The following FARS2 variants were observed in gnomAD, a reference collection of about 807,000 sequenced individuals.
FARS2 encodes the protein phenylalanyl-tRNA synthetase 2, mitochondrial.
Under a neutral mutation model 46.4 loss-of-function variants are expected in FARS2, and 40 were observed. The ratio of observed to expected loss-of-function variants is 0.86; its 90% CI spans 0.67 to 1.12. FARS2 has a LOEUF of 1.12. Among genes scored for constraint, FARS2 ranks in the 50% most tolerant of loss-of-function variants. FARS2 has a pLI of 0.00. For missense variants in FARS2, 513 were observed against 567.9 expected (o/e 0.90, Z 0.98); for synonymous variants, 234 against 214.9 (o/e 1.09, Z -0.78).
At chr6:5,467,245 A>G (rs2150313058) in intron 4 of FARS2, 1 of 255,464 alleles carries the variant, frequency 3.9e-6, no homozygotes, top group East Asian at 1.8e-4. Context: ...GTGGTTACCC[A>G]TTCTTAACCA....
At chr6:5,525,833 G>A (rs1769429389) in intron 4 of FARS2, among the ~76,000 whole-genome samples, 1 of 152,214 alleles carries the variant, frequency 6.6e-6, no homozygotes, top group South Asian at 2.1e-4. Context: ...AATATTAAAA[G>A]ATGCCTTTTC....
intron 1 of FARS2, among the ~76,000 whole-genome samples, chr6:5,336,603 G>A (rs1451301897): frequency 6.6e-6 from 1 of 152,096 alleles, no homozygotes; most frequent in Non-Finnish European, 1.5e-5. Context: ...AGCACAGCAT[G>A]GAGAATGGGG....
intron 4 of FARS2, among the ~76,000 whole-genome samples, chr6:5,432,325 A>ATATATAT (rs1294858821): frequency 6.3e-5 from 3 of 47,320 alleles, no homozygotes; most frequent in East Asian, 7.7e-4. Flanking sequence ...AAAAAAAAAA[A>ATATATAT]AAATATATAT....
intron 4 of FARS2, among the ~76,000 whole-genome samples, chr6:5,434,709 C>T (rs796666373): frequency 6.6e-6 from 1 of 152,068 alleles, no homozygotes; most frequent in Non-Finnish European, 1.5e-5. Context: ...CGTGCAGTTC[C>T]GCTATTCTTT....
chr6:5,384,182 C>T (rs377752314), intron 2 of FARS2, among the ~76,000 whole-genome samples: 2 of 152,120 alleles, frequency 1.3e-5, no homozygotes, highest in East Asian at 1.9e-4. Flanking sequence ...CTTGCTTTGA[C>T]GGATTGAAAT....
At chr6:5,725,850 G>A (rs1000301364) in intron 6 of FARS2, among the ~76,000 whole-genome samples, 7 of 152,192 alleles carry the variant, frequency 4.6e-5, no homozygotes, top group Admixed American at 2.6e-4. Context: ...CAGGAGAATC[G>A]CTTGAACCAG....
chr6:5,722,012 A>G (rs1314823374), intron 6 of FARS2, among the ~76,000 whole-genome samples: 3 of 152,252 alleles, frequency 2.0e-5, no homozygotes, highest in Non-Finnish European at 4.4e-5. Flanking sequence ...TAATAAAGGT[A>G]ATAATTTGTA....
chr6:5,698,928 C>T (rs986097159), intron 6 of FARS2, among the ~76,000 whole-genome samples: 6 of 152,168 alleles, frequency 3.9e-5, no homozygotes, highest in East Asian at 3.9e-4. Context: ...CTGCAGGGAA[C>T]CAAGCCACAC....
chr6:5,476,090 A>G (rs188539610), intron 4 of FARS2, among the ~76,000 whole-genome samples: 103 of 152,272 alleles, frequency 6.8e-4, no homozygotes, highest in Non-Finnish European at 2.5e-4. Flanking sequence ...ATGTCACTAA[A>G]GAGATGTTGC....
At chr6:5,570,177 G>C (rs1189677578) in intron 5 of FARS2, among the ~76,000 whole-genome samples, 1 of 152,148 alleles carries the variant, frequency 6.6e-6, no homozygotes, top group East Asian at 1.9e-4. Flanking sequence ...CTTGACCAAG[G>C]ACTGAAAAGT....
intron 4 of FARS2, among the ~76,000 whole-genome samples, chr6:5,525,289 T>G (rs930326618): frequency 1.6e-4 from 24 of 151,552 alleles, no homozygotes; most frequent in African/African-American, 5.8e-4. Context: ...ATGGTTAGAT[T>G]ATTATTCCAT....
At chr6:5,714,156 T>G (rs1464931478) in intron 6 of FARS2, among the ~76,000 whole-genome samples, 2 of 152,124 alleles carry the variant, frequency 1.3e-5, no homozygotes, top group Non-Finnish European at 2.9e-5. Flanking sequence ...ACTGATGAGG[T>G]TCAAAAAGAG....
chr6:5,323,861 A>G (rs1770157838), intron 1 of FARS2, among the ~76,000 whole-genome samples: 1 of 152,224 alleles, frequency 6.6e-6, no homozygotes, highest in Admixed American at 6.5e-5. Flanking sequence ...CAGCATGACC[A>G]TAAACCACAA....
At chr6:5,675,214 A>T (rs1295014533) in intron 6 of FARS2, among the ~76,000 whole-genome samples, 1 of 151,054 alleles carries the variant, frequency 6.6e-6, no homozygotes, top group Non-Finnish European at 1.5e-5. Flanking sequence ...ACACACACAC[A>T]CACACACACA....
chr6:5,750,270 G>A (rs1352730863), intron 6 of FARS2, among the ~76,000 whole-genome samples: 3 of 152,090 alleles, frequency 2.0e-5, no homozygotes, highest in African/African-American at 7.2e-5. Flanking sequence ...GGAAGGTCGG[G>A]GGTGGGGCAG....
Position 5,369,254 on chromosome 6 carries a change from C to T in FARS2, c.612+72C>T, listed in dbSNP as rs1027531044. 83 of 1,440,740 alleles carry T rather than the reference C, an allele frequency of 5.8e-5. 1 individual carries two copies. The highest frequency in any genetic ancestry group is 7.3e-5 in the Non-Finnish European group (77 of 1,059,564). 89.2% of individuals were successfully genotyped at this position (1,440,740 alleles called of 1,614,324 possible). Reference sequence around the variant, plus strand: ...TTATGTTGAGGTCACTAACATTTAGCTCGATGAGACCAGCATAGTCATCCT... The same window carrying T: ...TTATGTTGAGGTCACTAACATTTAGTTCGATGAGACCAGCATAGTCATCCT... On this transcript the variant is annotated intron_variant, in intron 2 of 6. Transcript: ENST00000274680.
At chr6:5,260,442 G>A (rs1416829861), upstream of FARS2, among the ~76,000 whole-genome samples, 2 of 152,234 alleles carry the variant, frequency 1.3e-5, no homozygotes, top group East Asian at 1.9e-4. Flanking sequence ...GTCTCCCCTG[G>A]TAGAAAGAAA....
chr6:5,758,869 G>C (rs1279937095), intron 6 of FARS2, among the ~76,000 whole-genome samples: 4 of 152,134 alleles, frequency 2.6e-5, no homozygotes, highest in African/African-American at 9.7e-5. Context: ...CTAGTATGTG[G>C]GGTCCTCTTG....
intron 4 of FARS2, among the ~76,000 whole-genome samples, chr6:5,536,866 A>G (rs1427397408): frequency 6.6e-6 from 1 of 152,230 alleles, no homozygotes; most frequent in East Asian, 1.9e-4. Flanking sequence ...CTTAAACACC[A>G]CTTGCCTTAC....
Sources: allele counts gnomAD v4.1 joint callset (sites outside exome capture counted in the v4.1 genomes callset), GRCh38; gene constraint gnomAD v4.1.1; transcripts MANE v1.5; gene names NCBI Gene and HGNC (gene_info 2026-07-23, HGNC 2026-07-21).